Variants in DOCK2 observed in about 807,000 individuals in gnomAD.
The protein encoded by DOCK2 is dedicator of cytokinesis protein 2.
A neutral mutation model predicts 248.9 loss-of-function variants in DOCK2; 87 were observed. The ratio of observed to expected loss-of-function variants is 0.35; its 90% CI spans 0.29 to 0.42. The LOEUF (loss-of-function observed/expected upper bound fraction) is 0.42. DOCK2 is among the 10% of genes least tolerant of loss of function. The probability of loss-of-function intolerance (pLI) is 1.00; values close to 1 mark genes in which losing one functional copy is unlikely to be tolerated. For synonymous variants in DOCK2, 805 were observed against 821.6 expected (o/e 0.98, Z 0.35); for missense variants, 1,747 against 2,300.2 (o/e 0.76, Z 4.92).
At chr5:170,061,078 G>A (rs1441071459) in intron 44 of DOCK2, among the ~76,000 whole-genome samples, 1 of 152,016 alleles carries the variant, frequency 6.6e-6, no homozygotes, top group East Asian at 1.9e-4. Context: ...AATTGCCAGG[G>A]ATTGAGATCA....
Position 169,698,440 on chromosome 5 carries a change from C to T in DOCK2, c.1046C>T (p.Pro349Leu). Residue 349 changes from proline to leucine, a missense_variant, in exon 11 of 52, where the codon CCT (proline) becomes CTT (leucine). Physicochemically the swap from Pro to Leu is moderately conservative, Grantham distance 98. Around this residue, in one of 4 missense-constraint regions of DOCK2, gnomAD observed 375 missense variants for 510.9 expected, o/e 0.73. Transcript: ENST00000520908. ...GATGAAGAAAAGCAGCACTTCATTC[C>T]TTTTCACCCGTAAGACATTTCCCAT... ...ESDEEKQHFI[P>L]FHPVTAENDF... The T allele has an allele frequency of 6.2e-7, 1 of 1,614,008 alleles. No individual in the cohort carries two copies. Among genetic ancestry groups the T allele is most frequent in the Non-Finnish European group, 8.5e-7 (1 of 1,179,918 alleles).
intron 27 of DOCK2, among the ~76,000 whole-genome samples, chr5:169,967,446 G>A (rs1777343878): frequency 6.6e-6 from 1 of 152,174 alleles, no homozygotes; most frequent in South Asian, 2.1e-4. Context: ...TGTGCAGGTT[G>A]GAGGGGAATT....
chr5:169,718,732 G>T lies in DOCK2; in HGVS notation c.2208G>T (p.Thr736=), dbSNP rs766559269. ...RGEQCEPILR[T]LKALEYVFKF... Reference sequence around the variant, plus strand: ...AGCAATGTGAGCCAATCCTAAGAACGCTGAAGGCTTTGGAATATGTGTTCA... The same window carrying T: ...AGCAATGTGAGCCAATCCTAAGAACTCTGAAGGCTTTGGAATATGTGTTCA... The change falls in exon 22 of 52, where the codon ACG becomes ACT. Residue 736 remains threonine (T), a synonymous_variant. Transcript: ENST00000520908. 5.0e-6 allele frequency: 8 copies of T among 1,613,960 alleles called. No homozygotes were observed. The highest frequency in any genetic ancestry group is 6.8e-6 in the Non-Finnish European group (8 of 1,179,904).
chr5:170,028,444 C>T (rs140104000), intron 34 of DOCK2: 84 of 154,636 alleles, frequency 5.4e-4, no homozygotes, highest in African/African-American at 1.8e-3. Flanking sequence ...GAAACTAGGA[C>T]GAGCTAGTGG....
At chr5:169,948,565 C>T (rs1776536386) in intron 27 of DOCK2, among the ~76,000 whole-genome samples, 2 of 151,336 alleles carry the variant, frequency 1.3e-5, no homozygotes, top group Non-Finnish European at 1.5e-5. Context: ...TCTCTTTATC[C>T]CTCCCTCCTT....
intron 25 of DOCK2, among the ~76,000 whole-genome samples, chr5:169,801,783 C>T (rs2113125193): frequency 6.7e-6 from 1 of 149,674 alleles, no homozygotes; most frequent in Middle Eastern, 3.5e-3. Context: ...TTGTCTTATT[C>T]TAATTTCTGC....
In DOCK2 at chr5:169,717,466, G is replaced by A; in HGVS notation, c.2114G>A (p.Ser705Asn). 1.2e-6 allele frequency: 2 copies of A among 1,613,778 alleles called. No homozygotes were observed. Among genetic ancestry groups the A allele is most frequent in the Non-Finnish European group, 8.5e-7 (1 of 1,179,734 alleles). Residue 705 changes from serine (S) to asparagine (N), a missense_variant, in exon 21 of 52, where the codon AGT (serine) becomes AAT (asparagine). This residue lies in a region of DOCK2 where 858 missense variants were observed against 1,183.5 expected (regional missense o/e 0.72). Transcript: ENST00000520908. ...GAGGCTTACATCCAACAGCATTTCA[G>A]TGCGACCTTGGCTTACAAGTAAGTA... The part of the protein sequence containing the change: ...VLEAYIQQHF[S>N]ATLAYKKLMT...
chr5:169,857,827 T>A (rs1430631497), intron 27 of DOCK2, among the ~76,000 whole-genome samples: 3 of 151,924 alleles, frequency 2.0e-5, no homozygotes, highest in African/African-American at 7.3e-5. Flanking sequence ...AATCAATCAT[T>A]TTGGGAATAT....
chr5:169,993,099 A>T (rs1778251786), intron 29 of DOCK2, among the ~76,000 whole-genome samples: 1 of 152,226 alleles, frequency 6.6e-6, no homozygotes, highest in African/African-American at 2.4e-5. Flanking sequence ...CAAGTTTCTG[A>T]GATGTTTACA....
intron 45 of DOCK2, 100 bp from the exon 46 acceptor site, chr5:170,069,037 C>T (rs1254264970): frequency 9.7e-7 from 1 of 1,034,088 alleles, no homozygotes; most frequent in African/African-American, 1.6e-5. Flanking sequence ...GTGACCTCAT[C>T]CTTGCCCCTT....
intron 27 of DOCK2, among the ~76,000 whole-genome samples, chr5:169,921,837 G>A (rs1307487586): frequency 1.3e-5 from 2 of 152,162 alleles, no homozygotes; most frequent in African/African-American, 4.8e-5. Flanking sequence ...TTTCTCAATT[G>A]AATAGTGCAC....
At position 169,802,965 on chromosome 5, in the gene DOCK2, CTATT is replaced by C. The variant is rs1443651030; in HGVS notation, c.2555-86_2555-83del. 3.6e-6 allele frequency: 5 copies of C among 1,400,956 alleles called. No homozygotes were observed. In the African/African-American group the frequency reaches 5.8e-5, roughly 16 times the overall value. The allele number at this position is 1,400,956 out of a possible 1,614,324, so 86.8% of individuals were successfully genotyped here. ...TTTACAAGGAGAATGTCTTCATGAA[CTATT>C]TATTTAATGAAACATTGTATGCATA... On this transcript the variant is annotated intron_variant, in intron 25 of 51. Transcript: ENST00000520908.
At chr5:170,077,991 C>T (rs2270899) in intron 48 of DOCK2, among the ~76,000 whole-genome samples, 154 bp downstream of exon 48, 38,421 of 151,936 alleles carry the variant, frequency 0.25, 7,065 homozygotes, top group East Asian at 0.54. Flanking sequence ...ACAACTACCC[C>T]AGGAGGCTCA....
chr5:169,718,304 A>G (rs1581089265), intron 21 of DOCK2, among the ~76,000 whole-genome samples: 2 of 152,218 alleles, frequency 1.3e-5, no homozygotes, highest in Non-Finnish European at 1.5e-5. Flanking sequence ...GAGTTCTGTG[A>G]TATTACAAGA....
rs372515606 is a variant in DOCK2 at position 169,756,378 on chromosome 5, G to A, written c.2377-3327G>A. Among the ~76,000 whole-genome samples, 8 of 152,324 alleles carry A rather than the reference G, an allele frequency of 5.3e-5. No homozygotes were observed. The East Asian group carries it at 1.5e-3, about 29-fold the overall frequency. ...GTCCTGCCTTTCCCCACAGGGGTTT[G>A]TTTCTGTGCATGTTTCTCACTTTGG... On this transcript the variant is annotated intron_variant, in intron 23 of 51. Transcript: ENST00000520908.
intron 25 of DOCK2, among the ~76,000 whole-genome samples, chr5:169,787,425 C>T (rs1407085842): frequency 1.3e-5 from 2 of 152,208 alleles, no homozygotes; most frequent in African/African-American, 4.8e-5. Flanking sequence ...TTGACTGTTA[C>T]TCCCAGAAAA....
At chr5:169,734,933 T>C (rs1412009211) in intron 22 of DOCK2, among the ~76,000 whole-genome samples, 1 of 152,220 alleles carries the variant, frequency 6.6e-6, no homozygotes, top group Non-Finnish European at 1.5e-5. Context: ...TGCATTGCTC[T>C]GACGTACCCA....
At chr5:169,722,555 A>G (rs776678269) in intron 22 of DOCK2, among the ~76,000 whole-genome samples, 4 of 152,206 alleles carry the variant, frequency 2.6e-5, no homozygotes, top group Admixed American at 6.5e-5. Flanking sequence ...CTCTGCCTCT[A>G]TAAGTACCTG....
chr5:169,887,967 G>A (rs889765669), intron 27 of DOCK2, among the ~76,000 whole-genome samples: 7 of 152,134 alleles, frequency 4.6e-5, no homozygotes, highest in East Asian at 1.9e-4. Context: ...CATTATTCTC[G>A]ATATGGAATT....
Sources: gnomAD v4.1 joint callset for allele counts (sites outside exome capture counted in the v4.1 genomes callset) on GRCh38, gnomAD v4.1.1 for gene constraint, gnomAD v4.1.1 regional missense constraint, MANE v1.5 for transcripts, NCBI Gene and HGNC (gene_info 2026-07-23, HGNC 2026-07-21) for gene names.